The following ARHGAP22 variants were observed in gnomAD, a reference collection of about 807,000 sequenced individuals.
The protein encoded by ARHGAP22 is rho GTPase-activating protein 22.
A neutral mutation model predicts 59.1 loss-of-function variants in ARHGAP22; 48 were observed. The observed-to-expected ratio is 0.81, with a 90% CI of 0.64 to 1.03. The LOEUF (loss-of-function observed/expected upper bound fraction) is 1.03, where lower values mean the gene tolerates loss of function less well. ARHGAP22 is among the 50% of genes least tolerant of loss of function. The pLI, the probability that ARHGAP22 is intolerant of heterozygous loss-of-function variation, is 0.00. For synonymous variants in ARHGAP22, 445 were observed against 416.4 expected, an observed-to-expected ratio of 1.07 and a Z score of -0.84; for missense variants, 1,015 against 958.7, an observed-to-expected ratio of 1.06 and a Z score of -0.78.
intron 1 of ARHGAP22, among the ~76,000 whole-genome samples, chr10:48,619,316 C>T (rs1282143076): frequency 6.6e-6 from 1 of 152,128 alleles, no homozygotes; most frequent in East Asian, 1.9e-4. Context: ...ATACCAATGA[C>T]ATTCTTCATA....
chr10:48,580,700 A>C (rs1476999441), intron 2 of ARHGAP22, among the ~76,000 whole-genome samples: 1 of 152,128 alleles, frequency 6.6e-6, no homozygotes, highest in African/African-American at 2.4e-5. Flanking sequence ...CTGGGAGGCC[A>C]GAAGGAAATG....
chr10:48,457,142 T>C (rs1179719586), intron 5 of ARHGAP22, among the ~76,000 whole-genome samples: 1 of 152,034 alleles, frequency 6.6e-6, no homozygotes, highest in Non-Finnish European at 1.5e-5. Context: ...CATCTGCAGG[T>C]TCCTCGTCAC....
At chr10:48,582,542 T>C (rs10745279) in intron 2 of ARHGAP22, among the ~76,000 whole-genome samples, 137,687 of 152,198 alleles carry the variant, frequency 0.9, 62,453 homozygotes, top group East Asian at 0.99. Flanking sequence ...GCAGGATGGG[T>C]GCAAGGGCTT....
At chr10:48,536,315 A>G (rs1265828777) in intron 3 of ARHGAP22, among the ~76,000 whole-genome samples, 1 of 152,216 alleles carries the variant, frequency 6.6e-6, no homozygotes, top group Admixed American at 6.5e-5. Context: ...TGGAGCTGCC[A>G]GCAGGGGAAG....
At chr10:48,637,984 C>G (rs1333575682) in intron 1 of ARHGAP22, among the ~76,000 whole-genome samples, 2 of 152,156 alleles carry the variant, frequency 1.3e-5, no homozygotes, top group Non-Finnish European at 2.9e-5. Flanking sequence ...GGCCTATATT[C>G]TCATAAGCTC....
chr10:48,511,386 C>G (rs191168574), intron 3 of ARHGAP22: 15 of 152,326 alleles, frequency 9.8e-5, no homozygotes, highest in African/African-American at 3.1e-4. Flanking sequence ...AGGCCATCCA[C>G]GCTGCCCCTG....
At chr10:48,456,916 C>G (rs73293570) in intron 5 of ARHGAP22, among the ~76,000 whole-genome samples, 1,531 of 152,196 alleles carry the variant, frequency 0.01, 24 homozygotes, top group African/African-American at 0.035. Flanking sequence ...CCCCTTCCCC[C>G]CTCCAACAAG....
chr10:48,488,531 G>C (rs994726515), intron 3 of ARHGAP22, among the ~76,000 whole-genome samples: 3 of 152,226 alleles, frequency 2.0e-5, no homozygotes, highest in African/African-American at 4.8e-5. Flanking sequence ...TTCTTGGAAA[G>C]AGTTTGATCC....
chr10:48,578,550 GTGTC>G (rs1214751477), intron 2 of ARHGAP22, among the ~76,000 whole-genome samples: 1 of 151,044 alleles, frequency 6.6e-6, no homozygotes, highest in Admixed American at 6.6e-5. Context: ...GTGTGTGTGT[GTGTC>G]TGTGTGTGTG....
At chr10:48,654,583 C>A (rs1018842009), upstream of ARHGAP22, among the ~76,000 whole-genome samples, 4 of 152,190 alleles carry the variant, frequency 2.6e-5, no homozygotes. Flanking sequence ...CCAGGCACTG[C>A]AACCAAGGTT....
At chr10:48,494,772 C>T (rs2050753373) in intron 3 of ARHGAP22, among the ~76,000 whole-genome samples, 1 of 152,188 alleles carries the variant, frequency 6.6e-6, no homozygotes, top group Admixed American at 6.5e-5. Context: ...GACTGTGGGC[C>T]TCCAGGTCCC....
intron 5 of ARHGAP22, among the ~76,000 whole-genome samples, chr10:48,457,015 C>T (rs11101328): frequency 0.32 from 48,260 of 151,750 alleles, 8,299 homozygotes; most frequent in East Asian, 0.68. Context: ...TTAGCGCAGG[C>T]GGAGGGTGGG....
chr10:48,472,511 G>A (rs922043023), intron 4 of ARHGAP22, among the ~76,000 whole-genome samples: 2 of 151,914 alleles, frequency 1.3e-5, no homozygotes, highest in Non-Finnish European at 2.9e-5. Flanking sequence ...GCAACAGAGC[G>A]AGACTCTGTC....
chr10:48,633,283 A>G (rs1257970378), intron 1 of ARHGAP22, among the ~76,000 whole-genome samples: 1 of 152,194 alleles, frequency 6.6e-6, no homozygotes, highest in Non-Finnish European at 1.5e-5. Flanking sequence ...TGAGACTCCC[A>G]GGTCTGAGGT....
chr10:48,589,683 A>T (rs3843000), intron 1 of ARHGAP22, among the ~76,000 whole-genome samples: 111,460 of 152,082 alleles, frequency 0.73, 41,356 homozygotes, highest in East Asian at 0.99. Flanking sequence ...AGATTCTCTC[A>T]GTGCATTCTG....
Position 48,451,078 on chromosome 10 carries a change from C to T in ARHGAP22, c.1051G>A (p.Ala351Thr), listed in dbSNP as rs200055621. Residue 351 changes from alanine to threonine, a missense_variant, in exon 9 of 10, where the codon GCA becomes ACA. Transcript: ENST00000249601. ...GAGGTGGGCCCTTCCGGGACCGGTG[C>T]CGTGAAGAGCTGGCTGTGTTTGCGG... ...LIRKHSQLFT[A>T]PVPEGPTSPR... 85 of 1,552,584 alleles carry T rather than the reference C, an allele frequency of 5.5e-5. No homozygotes were observed. The Admixed American group carries it at 1.6e-3, about 30-fold the overall frequency.
chr10:48,539,542 C>T (rs997602970), intron 3 of ARHGAP22, among the ~76,000 whole-genome samples: 2 of 152,064 alleles, frequency 1.3e-5, no homozygotes, highest in East Asian at 3.9e-4. Context: ...CCGCCCGCCT[C>T]GGCCTCCCAA....
intron 1 of ARHGAP22, among the ~76,000 whole-genome samples, chr10:48,586,059 C>T (rs2059408085): frequency 6.6e-6 from 1 of 152,086 alleles, no homozygotes; most frequent in Non-Finnish European, 1.5e-5. Context: ...TGGGGTTGGT[C>T]CCTGCACTTG....
intron 1 of ARHGAP22, among the ~76,000 whole-genome samples, chr10:48,639,866 A>G (rs2061972603): frequency 6.6e-6 from 1 of 152,242 alleles, no homozygotes; most frequent in Admixed American, 6.5e-5. Context: ...AGTCAATTGA[A>G]ACTGTCTCTT....
Sources: allele counts gnomAD v4.1 joint callset (sites outside exome capture counted in the v4.1 genomes callset), GRCh38; gene constraint gnomAD v4.1.1; transcripts MANE v1.5; gene names NCBI Gene and HGNC (gene_info 2026-07-23, HGNC 2026-07-21).